MDN1: variants seen among roughly 807,000 people sequenced by gnomAD.
MDN1 encodes midasin AAA ATPase 1.
In MDN1, 266 loss-of-function variants were observed where a neutral mutation model predicts 669.2. The observed-to-expected ratio is 0.40, with a 90% CI of 0.36 to 0.44. The LOEUF (loss-of-function observed/expected upper bound fraction) is 0.44. Ranked by LOEUF, MDN1 falls within the 20% of genes least tolerant of loss-of-function variation. The probability of loss-of-function intolerance (pLI) is 1.00; values close to 1 mark genes in which losing one functional copy is unlikely to be tolerated. For synonymous variants in MDN1, 2,385 were observed against 2,457.1 expected (o/e 0.97, Z 0.87); for missense variants, 5,940 against 6,754.0 (o/e 0.88, Z 4.22).
At chr6:89,690,208 G>C in intron 64 of MDN1, 65 bp from the exon 65 acceptor site, 1 of 1,500,388 alleles carries the variant, frequency 6.7e-7, no homozygotes, top group Non-Finnish European at 9.0e-7. Context: ...CAGACTAAAA[G>C]GAAGAAAGAA....
intron 93 of MDN1, among the ~76,000 whole-genome samples, chr6:89,653,869 TAGTA>T (rs1310271593): frequency 6.6e-6 from 1 of 152,266 alleles, no homozygotes; most frequent in Non-Finnish European, 1.5e-5. Flanking sequence ...ATCATAGCTG[TAGTA>T]AGTGTACTAT....
In MDN1 at chr6:89,738,436, T is replaced by G. The variant is rs202131758; in HGVS notation, c.4613A>C (p.Asn1538Thr). The stretch of plus-strand genomic sequence containing the variant: ...AGGGCACCATATTTCTGTAAACCGG[T>G]TTCTTAAGGCAGGAGACAGCTATAA... The part of the protein sequence containing the change: ...GKKELSPALR[N>T]RFTEIWCPQS... The change falls in exon 33 of 102, where the codon AAC becomes ACC. Residue 1538 changes from asparagine (N) to threonine (T), a missense_variant. By Grantham distance (65) the Asn-to-Thr change is moderately conservative. Around this residue, in one of 5 missense-constraint regions of MDN1, gnomAD observed 2,292 missense variants for 2,638.3 expected, o/e 0.87. Transcript: ENST00000369393. 4.5e-5 allele frequency: 72 copies of G among 1,613,896 alleles called. No homozygotes were observed. The highest frequency in any genetic ancestry group is 1.6e-4 in the Middle Eastern group (1 of 6,084).
chr6:89,713,335 T>C, intron 46 of MDN1, 39 bp from the exon 47 acceptor site: 1 of 1,528,914 alleles, frequency 6.5e-7, no homozygotes, highest in Non-Finnish European at 8.9e-7. Context: ...CAATAGAGTC[T>C]TTAAAATCTC....
intron 55 of MDN1, among the ~76,000 whole-genome samples, chr6:89,701,159 G>T (rs2128309854): frequency 6.6e-6 from 1 of 152,166 alleles, no homozygotes; most frequent in East Asian, 1.9e-4. Flanking sequence ...ACCAACCGTG[G>T]GTCGAAAATA....
chr6:89,785,577 A>G (rs1279564645), intron 8 of MDN1, among the ~76,000 whole-genome samples: 1 of 152,212 alleles, frequency 6.6e-6, no homozygotes, highest in African/African-American at 2.4e-5. Context: ...TATACATTAA[A>G]CATACACTCT....
intron 17 of MDN1, among the ~76,000 whole-genome samples, chr6:89,759,672 G>A (rs1817434257): frequency 6.6e-6 from 1 of 152,022 alleles, no homozygotes; most frequent in Admixed American, 6.5e-5. Flanking sequence ...GCTGAGGCAG[G>A]AGAATCGCTT....
At chr6:89,746,593 C>G (rs1208804288) in intron 27 of MDN1, among the ~76,000 whole-genome samples, 1 of 65,600 alleles carries the variant, frequency 1.5e-5, no homozygotes. Flanking sequence ...GACTCTATCT[C>G]AAAAAAAAAA....
chr6:89,702,735 G>A (rs994076083), intron 53 of MDN1, among the ~76,000 whole-genome samples: 1 of 152,146 alleles, frequency 6.6e-6, no homozygotes, highest in African/African-American at 2.4e-5. Context: ...TATCTATGAA[G>A]AATAGAAGTT....
rs1584235418 is a variant in MDN1, at chr6:89,706,197, G to C, written c.8015-5C>G. The C allele has an allele frequency of 1.9e-6, 3 of 1,605,088 alleles. No individual in the cohort carries two copies. The highest frequency in any genetic ancestry group is 2.6e-6 in the Non-Finnish European group (3 of 1,176,330). On this transcript the variant is annotated splice_region_variant and splice_polypyrimidine_tract_variant and intron_variant, in intron 52 of 101. Transcript: ENST00000369393. ...GAGTGTGATAGCTTTCTGGATCTGA[G>C]AGTCAACATAAATAAAATGAGAACA... is the stretch of plus-strand genomic sequence containing the variant.
At chr6:89,777,790 C>A (rs1274869414) in intron 11 of MDN1, among the ~76,000 whole-genome samples, 2 of 152,132 alleles carry the variant, frequency 1.3e-5, no homozygotes, top group East Asian at 3.8e-4. Flanking sequence ...GTATACAAGA[C>A]CATTTTCCAC....
rs533024081 is a variant in MDN1 at position 89,655,274 on chromosome 6, TGA to T, written c.15490+488_15490+489del. Among the ~76,000 whole-genome samples the T allele has an allele frequency of 3.4e-3, 522 of 152,302 alleles. 7 individuals are homozygous for T. Among genetic ancestry groups the T allele is most frequent in the African/African-American group, 0.012 (500 of 41,580 alleles). On this transcript the variant is annotated intron_variant, in intron 92 of 101. Transcript: ENST00000369393. ...GGGAGACTGACCAATGACCTCATGC[TGA>T]GACATTTTTCCTCCCTTTTGCACTT...
In MDN1 at chr6:89,648,255, C is replaced by CTGCAAT; in HGVS notation, c.16280_16280+1insATTGCA (p.Ser5427delinsArgLeuHis). The CTGCAAT allele has an allele frequency of 6.2e-7, 1 of 1,613,906 alleles. No individual in the cohort carries two copies. Among genetic ancestry groups the CTGCAAT allele is most frequent in the Non-Finnish European group, 8.5e-7 (1 of 1,179,794 alleles). On this transcript the variant is annotated protein_altering_variant and splice_region_variant. Transcript: ENST00000369393. Reference sequence around the variant, plus strand: ...ATAAAGGAATTACAAAGCAACCTTACCTACACACTGCAATCTGACCCACTT... The same window carrying CTGCAAT: ...ATAAAGGAATTACAAAGCAACCTTACTGCAATCTACACACTGCAATCTGACCCACTT...
intron 85 of MDN1, 96 bp from the exon 86 acceptor site, chr6:89,663,063 CACCT>C: frequency 7.2e-7 from 1 of 1,380,538 alleles, no homozygotes; most frequent in African/African-American, 1.4e-5. Flanking sequence ...GCAAGGGCCC[CACCT>C]GAGATTTATT....
At chr6:89,772,435 T>G in intron 14 of MDN1, 138 bp downstream of exon 14, 1 of 855,994 alleles carries the variant, frequency 1.2e-6, no homozygotes, top group East Asian at 2.5e-5. Context: ...TAACAGTAGT[T>G]ATTTCCAGGC....
At position 89,696,409 on chromosome 6, in the gene MDN1, T is replaced by C; in HGVS notation, c.9334A>G (p.Ser3112Gly). Residue 3112 changes from serine to glycine, a missense_variant, in exon 60 of 102, where the codon AGT becomes GGT. Physicochemically the swap from Ser to Gly is moderately conservative, Grantham distance 56. This residue lies in a region of MDN1 where 2,292 missense variants were observed against 2,638.3 expected (regional missense o/e 0.87). Transcript: ENST00000369393. ...VERTQQLQDI[S>G]SMLWTNMAIS... ...GCCATGTTAGTCCAAAGCATCGAAC[T>C]GATGTCCTGGAGCTGCTGAGTTCTC... 1 of 1,614,182 alleles carries C rather than the reference T, an allele frequency of 6.2e-7. No individual in the cohort carries two copies. Among genetic ancestry groups the C allele is most frequent in the Non-Finnish European group, 8.5e-7 (1 of 1,180,032 alleles).
At position 89,719,000 on chromosome 6, in the gene MDN1, A is replaced by C. The variant is rs1814624245; in HGVS notation, c.6088T>G (p.Cys2030Gly). The C allele has an allele frequency of 6.2e-7, 1 of 1,614,092 alleles. No individual in the cohort carries two copies. Among genetic ancestry groups the C allele is most frequent in the Admixed American group, 1.7e-5 (1 of 60,006 alleles). ...LGYSVLSRGS[C>G]VPHPSRHPLL... Reference sequence around the variant, plus strand: ...GGATGGCGGGACGGGTGAGGAACACAGCTCCCACGGGAAAGGACTGAGTAG... The same window carrying C: ...GGATGGCGGGACGGGTGAGGAACACCGCTCCCACGGGAAAGGACTGAGTAG... Residue 2030 changes from cysteine to glycine, a missense_variant, in exon 42 of 102, where the codon TGT becomes GGT. Physicochemically the swap from Cys to Gly is radical, Grantham distance 159. Coordinates refer to ENST00000369393, the MANE Select transcript of MDN1 (RefSeq NM_014611.3).
intron 1 of MDN1, among the ~76,000 whole-genome samples, chr6:89,809,305 TA>T (rs1354342696): frequency 6.6e-6 from 1 of 151,660 alleles, no homozygotes; most frequent in Non-Finnish European, 1.5e-5. Context: ...TAAAACTTTT[TA>T]TTTTATCTTC....
At chr6:89,767,249 AC>A (rs1413959535) in intron 15 of MDN1, among the ~76,000 whole-genome samples, 1 of 152,248 alleles carries the variant, frequency 6.6e-6, no homozygotes, top group African/African-American at 2.4e-5. Flanking sequence ...AAATAAAATG[AC>A]AAAAACGAGT....
At position 89,690,033 on chromosome 6, in the gene MDN1, C is replaced by A; in HGVS notation, c.10860G>T (p.Met3620Ile). The change falls in exon 65 of 102, where the codon ATG (methionine) becomes ATT (isoleucine). Residue 3620 changes from methionine (M) to isoleucine (I), a missense_variant. Physicochemically the swap from Met to Ile is conservative, Grantham distance 10. Transcript: ENST00000369393. ...GCTGGTGTATCAGCATTACTGCCTG[C>A]ATTGAATTCTGGGAGAGGAGAGCTG... ...TNPALLSQNS[M>I]QAVMLIHQQL... The A allele has an allele frequency of 6.2e-7, 1 of 1,614,174 alleles. No homozygotes were observed. The highest frequency in any genetic ancestry group is 1.6e-4 in the Middle Eastern group (1 of 6,062).
Sources: gnomAD v4.1 joint callset for allele counts (sites outside exome capture counted in the v4.1 genomes callset) on GRCh38, gnomAD v4.1.1 for gene constraint, gnomAD v4.1.1 regional missense constraint, MANE v1.5 for transcripts, NCBI Gene and HGNC (gene_info 2026-07-23, HGNC 2026-07-21) for gene names.